The following KCNG3 variants were observed in gnomAD, a reference collection of about 807,000 sequenced individuals.
KCNG3 encodes the protein voltage-gated potassium channel regulatory subunit KCNG3.
A neutral mutation model predicts 29.0 loss-of-function variants in KCNG3; 15 were observed. The ratio of observed to expected loss-of-function variants is 0.52; its 90% CI spans 0.35 to 0.80. The LOEUF (loss-of-function observed/expected upper bound fraction) is 0.80, where lower values mean the gene tolerates loss of function less well. Ranked by LOEUF, KCNG3 falls within the 30% of genes least tolerant of loss-of-function variation. The pLI is 0.01. For missense variants in KCNG3, 512 were observed against 605.7 expected (o/e 0.85, Z 1.62); for synonymous variants, 322 against 248.9 (o/e 1.29, Z -2.76).
intron 1 of KCNG3, among the ~76,000 whole-genome samples, chr2:42,485,926 T>C (rs1355392483): frequency 3.9e-5 from 6 of 152,204 alleles, no homozygotes; most frequent in Non-Finnish European, 8.8e-5. Context: ...CTAAGATTAA[T>C]TCATTACTAG....
the KCNG3 span, among the ~76,000 whole-genome samples, chr2:42,403,763 C>T: frequency 2.0e-5 from 3 of 151,564 alleles, no homozygotes; most frequent in Non-Finnish European, 2.9e-5. Context: ...CCGTGCCTGG[C>T]CTAATTTTTT....
At chr2:42,431,575 A>C in the KCNG3 span, among the ~76,000 whole-genome samples, 1 of 152,314 alleles carries the variant, frequency 6.6e-6, no homozygotes, top group East Asian at 1.9e-4. Context: ...GTGGTGCTCT[A>C]TCTAAGAAAA....
intron 1 of KCNG3, among the ~76,000 whole-genome samples, chr2:42,490,263 T>C (rs895188247): frequency 6.6e-6 from 1 of 152,048 alleles, no homozygotes; most frequent in Non-Finnish European, 1.5e-5. Flanking sequence ...ACAGGTTGCA[T>C]TAACTAGAAT....
In KCNG3 at chr2:42,493,860, C is replaced by T. The variant is rs531562497; in HGVS notation, c.-359G>A. 62 of 191,828 alleles carry T rather than the reference C, an allele frequency of 3.2e-4. No homozygotes were observed. The highest frequency in any genetic ancestry group is 9.6e-4 in the South Asian group (5 of 5,220). The allele number at this position is 191,828 out of a possible 1,614,324, so 11.9% of individuals were successfully genotyped here. A position where few individuals can be genotyped will look rare whatever the true frequency, so the allele number is the denominator to read the frequency against. ...GCCCTCTCCCAAGCCGCGGGGCCGA[C>T]CCCCTGAGGGCTGCGGGCGCCGAAT... On this transcript the variant is annotated 5_prime_UTR_variant, in exon 1 of 2. Transcript: ENST00000306078.
chr2:42,451,562 T>C (rs1672755095), intron 1 of KCNG3, among the ~76,000 whole-genome samples: 1 of 151,442 alleles, frequency 6.6e-6, no homozygotes, highest in East Asian at 2.0e-4. Flanking sequence ...CCGTCTCTAC[T>C]AAAAATACGA....
chr2:42,492,764 A>AGACGGGACGTATG, intron 1 of KCNG3, 73 bp downstream of exon 1: 2 of 1,315,232 alleles, frequency 1.5e-6, no homozygotes, highest in Non-Finnish European at 2.0e-6. Flanking sequence ...GACAGGACGG[A>AGACGGGACGTATG]GACGGGACGT....
At chr2:42,489,475 A>T (rs185504411) in intron 1 of KCNG3, among the ~76,000 whole-genome samples, 2 of 152,218 alleles carry the variant, frequency 1.3e-5, no homozygotes, top group African/African-American at 4.8e-5. Flanking sequence ...CTTTTTATCT[A>T]ATCCAACTTA....
the KCNG3 span, among the ~76,000 whole-genome samples, chr2:42,391,548 G>A: frequency 6.7e-6 from 1 of 148,676 alleles, no homozygotes; most frequent in Non-Finnish European, 1.5e-5. Flanking sequence ...ATAATCAAGA[G>A]TAGATGTCTA....
In KCNG3 at chr2:42,444,101, T is replaced by C. The variant is rs766224292; in HGVS notation, c.1144A>G (p.Ile382Val). The change falls in exon 2 of 2, where the codon ATC (isoleucine) becomes GTC (valine). Residue 382 changes from isoleucine (I) to valine (V), a missense_variant. By Grantham distance (29) the Ile-to-Val change is conservative. Around this residue, in one of 5 missense-constraint regions of KCNG3, gnomAD observed 173 missense variants for 262.4 expected, o/e 0.66. Coordinates refer to ENST00000306078, the MANE Select transcript of KCNG3 (RefSeq NM_133329.6). This position sits in a 1 kb window ranked among gnomAD's most constrained non-coding sequence, Gnocchi z 5.8. ...CCAAGAATTCTTCCAGGCACTGTGA[T>C]AGGATACATATCTCCATAGCCAACT... The part of the protein sequence containing the change: ...TTVGYGDMYP[I>V]TVPGRILGGV... 2 of 1,614,202 alleles carry C rather than the reference T, an allele frequency of 1.2e-6. No individual in the cohort carries two copies. The highest frequency in any genetic ancestry group is 1.7e-6 in the Non-Finnish European group (2 of 1,180,038).
the KCNG3 span, among the ~76,000 whole-genome samples, chr2:42,434,645 A>G: frequency 6.9e-6 from 1 of 144,880 alleles, no homozygotes; most frequent in East Asian, 2.0e-4. Flanking sequence ...CAGCCTAAGC[A>G]ACAAGAGTGA....
chr2:42,468,855 T>C (rs1291877558), intron 1 of KCNG3, among the ~76,000 whole-genome samples: 1 of 146,348 alleles, frequency 6.8e-6, no homozygotes, highest in African/African-American at 2.6e-5. Flanking sequence ...CTCCAGAGGC[T>C]GAGGCAGAGA....
rs537465897 is a variant in KCNG3, at chr2:42,462,802, G to A, written c.666-18223C>T. Reference sequence around the variant, plus strand: ...GAAACCAAGGTTCAATTATCAGGAAGTCACAGTTTCATTCATTTATTCAAT... The same window carrying A: ...GAAACCAAGGTTCAATTATCAGGAAATCACAGTTTCATTCATTTATTCAAT... On this transcript the variant is annotated intron_variant, in intron 1 of 1. Transcript: ENST00000306078. 1.3e-3 allele frequency among the ~76,000 whole-genome samples: 199 copies of A among 152,340 alleles called. 1 individual carries two copies. Among genetic ancestry groups the A allele is most frequent in the African/African-American group, 4.7e-3 (194 of 41,580 alleles).
chr2:42,472,003 C>A (rs1270522093), intron 1 of KCNG3, among the ~76,000 whole-genome samples: 1 of 151,568 alleles, frequency 6.6e-6, no homozygotes, highest in Non-Finnish European at 1.5e-5. Context: ...TATTGAACAA[C>A]AGGACTTCTA....
At chr2:42,461,182 C>CAAAACA (rs1673008747) in intron 1 of KCNG3, among the ~76,000 whole-genome samples, 6 of 56,420 alleles carry the variant, frequency 1.1e-4, no homozygotes, top group Non-Finnish European at 1.7e-4. Context: ...CAAAACAAAA[C>CAAAACA]AAAAAAAAAA....
intron 1 of KCNG3, among the ~76,000 whole-genome samples, chr2:42,474,520 C>A (rs987302285): frequency 1.3e-5 from 2 of 152,078 alleles, no homozygotes; most frequent in Non-Finnish European, 2.9e-5. Context: ...GAGCAAGACT[C>A]CATCTCAAAA....
intron 1 of KCNG3, among the ~76,000 whole-genome samples, chr2:42,489,929 C>G (rs1673830143): frequency 6.6e-6 from 1 of 152,338 alleles, no homozygotes; most frequent in African/African-American, 2.4e-5. Flanking sequence ...CATCCCCTCC[C>G]TCTGGGAAGA....
intron 1 of KCNG3, among the ~76,000 whole-genome samples, chr2:42,477,425 A>AT (rs1673464812): frequency 4.7e-5 from 2 of 42,862 alleles, no homozygotes; most frequent in African/African-American, 1.3e-4. Flanking sequence ...ACACACACAT[A>AT]TATTTTTTTT....
intron 1 of KCNG3, among the ~76,000 whole-genome samples, chr2:42,457,668 C>CACACACACACA (rs1553327831): frequency 4.1e-4 from 62 of 149,592 alleles, no homozygotes; most frequent in Non-Finnish European, 7.5e-4. Context: ...CACACACACA[C>CACACACACACA]AAGGCTGGGC....
the KCNG3 span, among the ~76,000 whole-genome samples, chr2:42,393,786 CT>C: frequency 6.6e-6 from 1 of 150,858 alleles, no homozygotes; most frequent in Admixed American, 6.6e-5. Context: ...AAACTTCCCC[CT>C]TTTTTTTTCT....
Sources: gnomAD v4.1 joint callset for allele counts (sites outside exome capture counted in the v4.1 genomes callset) on GRCh38, gnomAD v4.1.1 for gene constraint, gnomAD v4.1.1 regional missense constraint, Gnocchi (gnomAD v3.1) non-coding constraint, MANE v1.5 for transcripts, NCBI Gene and HGNC (gene_info 2026-07-23, HGNC 2026-07-21) for gene names.